Variants in GRIN2A observed in about 807,000 individuals in gnomAD.
GRIN2A encodes the protein glutamate ionotropic receptor NMDA type subunit 2A.
A neutral mutation model predicts 113.4 loss-of-function variants in GRIN2A; 22 were observed. That is an observed-to-expected ratio of 0.19 (90% CI 0.14 to 0.28). GRIN2A has a LOEUF of 0.28. GRIN2A is among the 10% of genes least tolerant of loss of function. The pLI is 1.00. For synonymous variants in GRIN2A, 827 were observed against 738.4 expected, an observed-to-expected ratio of 1.12 and a Z score of -1.94; for missense variants, 1,502 against 1,887.0, an observed-to-expected ratio of 0.80 and a Z score of 3.78.
chr16:10,069,077 A>G (rs2047703188), intron 2 of GRIN2A, among the ~76,000 whole-genome samples: 1 of 152,136 alleles, frequency 6.6e-6, no homozygotes, highest in African/African-American at 2.4e-5. Context: ...CCAAGATGTC[A>G]TGAGAAGCCC....
At chr16:9,949,585 T>C (rs1333259387) in intron 2 of GRIN2A, among the ~76,000 whole-genome samples, 1 of 151,424 alleles carries the variant, frequency 6.6e-6, no homozygotes, top group Non-Finnish European at 1.5e-5. Context: ...GATGAATGGA[T>C]AGACGGACAG....
intron 2 of GRIN2A, among the ~76,000 whole-genome samples, chr16:9,960,499 T>G (rs1277990557): frequency 6.6e-6 from 1 of 152,228 alleles, no homozygotes; most frequent in Non-Finnish European, 1.5e-5. Flanking sequence ...AATGAAAAAT[T>G]AACTGGAAAA....
Position 10,140,773 on chromosome 16 carries a change from C to G in GRIN2A, c.414+39225G>C, listed in dbSNP as rs143160494. Among the ~76,000 whole-genome samples the G allele has an allele frequency of 5.2e-3, 785 of 152,234 alleles. 4 individuals are homozygous for G. The highest frequency in any genetic ancestry group is 8.5e-3 in the Non-Finnish European group (579 of 68,012). ...GTTAGCCCTGGGACTTCTGATGAAG[C>G]GACCAGGAAGTGGACTCTGCACTCT... is the stretch of plus-strand genomic sequence containing the variant. On this transcript the variant is annotated intron_variant, in intron 2 of 12. Transcript: ENST00000330684.
chr16:9,867,515 C>A (rs183608721), intron 4 of GRIN2A, among the ~76,000 whole-genome samples: 2 of 152,176 alleles, frequency 1.3e-5, no homozygotes, highest in South Asian at 2.1e-4. Context: ...TAGCCTAACA[C>A]GCATCCCAGC....
chr16:10,030,519 T>C (rs1395347461), intron 2 of GRIN2A, among the ~76,000 whole-genome samples: 3 of 152,198 alleles, frequency 2.0e-5, no homozygotes, highest in African/African-American at 7.2e-5. Context: ...GGGGTGAAGA[T>C]GCTACCTGAA....
intron 2 of GRIN2A, among the ~76,000 whole-genome samples, chr16:9,947,775 C>A (rs181753375): frequency 4.6e-4 from 70 of 152,028 alleles, no homozygotes; most frequent in Non-Finnish European, 8.2e-4. Flanking sequence ...TCTGAGGCTC[C>A]ATTTTCTCAT....
chr16:10,062,355 G>C (rs1296192711), intron 2 of GRIN2A, among the ~76,000 whole-genome samples: 2 of 152,158 alleles, frequency 1.3e-5, no homozygotes, highest in African/African-American at 4.8e-5. Context: ...AGCTGGATTT[G>C]ACCTGTAGGC....
intron 3 of GRIN2A, among the ~76,000 whole-genome samples, chr16:9,926,503 C>T (rs2044467912): frequency 6.6e-6 from 1 of 152,198 alleles, no homozygotes; most frequent in South Asian, 2.1e-4. Context: ...TACACACTTC[C>T]AGTTGTGCTA....
chr16:9,950,613 T>C (rs188045374), intron 2 of GRIN2A, among the ~76,000 whole-genome samples: 9 of 152,286 alleles, frequency 5.9e-5, no homozygotes, highest in South Asian at 4.1e-4. Context: ...ACTAAGCAGA[T>C]AGCAAACAGG....
intron 2 of GRIN2A, among the ~76,000 whole-genome samples, chr16:9,946,896 A>G (rs1381152221): frequency 6.6e-6 from 1 of 152,182 alleles, no homozygotes; most frequent in Non-Finnish European, 1.5e-5. Context: ...CATGTTGAAC[A>G]CCTTGTTCAA....
rs777013501 is a variant in GRIN2A at position 10,180,165 on chromosome 16, T to C, written c.247A>G (p.Ile83Val). ...LMNRTDPKSL[I>V]THVCDLMSGA... is the part of the protein sequence containing the mutation. The stretch of plus-strand genomic sequence containing the variant: ...GACATGAGGTCGCACACGTGCGTGA[T>C]GAGGCTCTTGGGGTCGGTGCGGTTC... The change falls in exon 2 of 13, where the codon ATC becomes GTC. Residue 83 changes from isoleucine to valine, a missense_variant. Ile to Val is a conservative substitution (Grantham distance 29). Transcript: ENST00000330684. The surrounding 1 kb of genome is among the most constrained non-coding windows in gnomAD (Gnocchi z 7.0). 6.2e-7 allele frequency: 1 copy of C among 1,614,152 alleles called. No individual in the cohort carries two copies. The highest frequency in any genetic ancestry group is 1.1e-5 in the South Asian group (1 of 91,088).
chr16:9,800,257 T>C (rs1287380429), intron 10 of GRIN2A, among the ~76,000 whole-genome samples: 1 of 152,138 alleles, frequency 6.6e-6, no homozygotes, highest in Non-Finnish European at 1.5e-5. Context: ...TTACAGGTGC[T>C]AATTATGATT....
intron 2 of GRIN2A, among the ~76,000 whole-genome samples, chr16:10,105,724 C>T (rs772117036): frequency 4.0e-5 from 6 of 151,888 alleles, no homozygotes; most frequent in Admixed American, 6.6e-5. Flanking sequence ...CTGGCCAACA[C>T]GGTGAAACCC....
chr16:10,010,040 G>A (rs1056599461), intron 2 of GRIN2A, among the ~76,000 whole-genome samples: 1 of 152,248 alleles, frequency 6.6e-6, no homozygotes, highest in African/African-American at 2.4e-5. Flanking sequence ...CGAGTGAGGA[G>A]CAAGGCCCAA....
chr16:10,053,633 G>A (rs1243845249), intron 2 of GRIN2A, among the ~76,000 whole-genome samples: 1 of 152,208 alleles, frequency 6.6e-6, no homozygotes. Flanking sequence ...GGGAGAAAAT[G>A]GAGCCAGGAT....
intron 3 of GRIN2A, among the ~76,000 whole-genome samples, chr16:9,914,323 G>A (rs1284603729): frequency 6.6e-6 from 1 of 152,180 alleles, no homozygotes; most frequent in African/African-American, 2.4e-5. Flanking sequence ...CAACAAGAAA[G>A]GCAGACCTAA....
chr16:10,083,651 G>T (rs7199095), intron 2 of GRIN2A, among the ~76,000 whole-genome samples: 1 of 151,614 alleles, frequency 6.6e-6, no homozygotes, highest in East Asian at 1.9e-4. Flanking sequence ...CCTCACCCCC[G>T]ATCCCTACTC....
At chr16:9,895,525 G>T (rs537619106) in intron 3 of GRIN2A, among the ~76,000 whole-genome samples, 73 of 152,300 alleles carry the variant, frequency 4.8e-4, no homozygotes, top group African/African-American at 1.6e-3. Context: ...GGCTTGAAAT[G>T]CAAGTTTGTA....
At chr16:10,134,195 GAAAAAAAAAAAA>G (rs71402436) in intron 2 of GRIN2A, among the ~76,000 whole-genome samples, 1 of 18,234 alleles carries the variant, frequency 5.5e-5, no homozygotes, top group African/African-American at 1.7e-4. Flanking sequence ...ACTGTTTCCA[GAAAAAAAAAAAA>G]AAAAAAAAAA....
Sources: allele counts gnomAD v4.1 joint callset (sites outside exome capture counted in the v4.1 genomes callset), GRCh38; gene constraint gnomAD v4.1.1; non-coding constraint Gnocchi (gnomAD v3.1); transcripts MANE v1.5; gene names NCBI Gene and HGNC (gene_info 2026-07-23, HGNC 2026-07-21).